Variants in ADRM1 observed in about 807,000 individuals in gnomAD.
The protein encoded by ADRM1 is ADRM1 26S proteasome ubiquitin receptor.
A neutral mutation model predicts 40.1 loss-of-function variants in ADRM1; 2 were observed. The ratio of observed to expected loss-of-function variants is 0.05; its 90% CI spans 0.02 to 0.16. The LOEUF is 0.16. Among genes scored for constraint, ADRM1 ranks in the 10% least tolerant of loss-of-function variants. ADRM1 has a pLI of 1.00. For synonymous variants in ADRM1, 287 were observed against 240.4 expected (o/e 1.19, Z -1.79); for missense variants, 467 against 552.5 (o/e 0.85, Z 1.55).
chr20:62,308,620 G>A (rs757878827), intron 9 of ADRM1, 35 bp from the exon 10 acceptor site: 1 of 1,609,496 alleles, frequency 6.2e-7, no homozygotes, highest in South Asian at 1.1e-5. Context: ...CTGGGCAAGG[G>A]TTAGACACCA....
At position 62,304,099 on chromosome 20, in the gene ADRM1, G is replaced by T. The variant is rs1984527146; in HGVS notation, c.213+318G>T. On this transcript the variant is annotated intron_variant, in intron 2 of 9. Transcript: ENST00000253003. ...GGCCCTGGAGAGCCTGGAGCTCTGT[G>T]CCTGGCGGCTTCACTCAGTCTTCTT... is the stretch of plus-strand genomic sequence containing the variant. 1.0e-5 allele frequency: 5 copies of T among 502,236 alleles called. No individual in the cohort carries two copies. In the South Asian group the frequency reaches 1.2e-4, roughly 12 times the overall value. The allele number at this position is 502,236 out of a possible 1,614,324, so 31.1% of individuals were successfully genotyped here. A position where few individuals can be genotyped will look rare whatever the true frequency, so the allele number is the denominator to read the frequency against.
intron 7 of ADRM1, 68 bp downstream of exon 7, chr20:62,307,896 T>C: frequency 6.4e-7 from 1 of 1,552,932 alleles, no homozygotes. Flanking sequence ...ACGCTCACCT[T>C]CCAAGGCATC....
At position 62,303,892 on chromosome 20, in the gene ADRM1, G is replaced by A; in HGVS notation, c.213+111G>A. ...GCCGCATCTGGGGACCGCTCGTGGGGCCGTCATCGACTGCCCTGCTGATGG... is the reference window on the plus strand; with the variant it reads ...GCCGCATCTGGGGACCGCTCGTGGGACCGTCATCGACTGCCCTGCTGATGG... On this transcript the variant is annotated intron_variant, in intron 2 of 9. Coordinates refer to ENST00000253003, the MANE Select transcript of ADRM1 (RefSeq NM_007002.4). 5 of 1,095,862 alleles carry A rather than the reference G, an allele frequency of 4.6e-6. No individual in the cohort carries two copies. In the Middle Eastern group the frequency reaches 9.1e-4, roughly 199 times the overall value. The allele number at this position is 1,095,862 out of a possible 1,614,324, so 67.9% of individuals were successfully genotyped here.
chr20:62,306,037 C>T, intron 3 of ADRM1, 160 bp from the exon 4 acceptor site: 1 of 942,132 alleles, frequency 1.1e-6, no homozygotes, highest in Non-Finnish European at 1.5e-6. Context: ...GCCGTCCCCT[C>T]ACCTGCTGGG....
At chr20:62,308,591 A>G (rs973647681) in intron 9 of ADRM1, 64 bp from the exon 10 acceptor site, 2 of 1,593,652 alleles carry the variant, frequency 1.3e-6, no homozygotes, top group Non-Finnish European at 1.7e-6. Context: ...CCTTGATCCC[A>G]TCGCTTTGAT....
chr20:62,308,100 C>A lies in ADRM1; in HGVS notation c.936C>A (p.Pro312=). The A allele has an allele frequency of 6.2e-7, 1 of 1,611,514 alleles. No homozygotes were observed. The highest frequency in any genetic ancestry group is 2.2e-5 in the East Asian group (1 of 44,876). The change falls in exon 8 of 10, where the codon CCC becomes CCA. Residue 312 remains proline (P), a synonymous_variant. Coordinates refer to ENST00000253003, the MANE Select transcript of ADRM1 (RefSeq NM_007002.4). ...ANADVQERLL[P]YLPSGESLPQ... is the part of the protein sequence containing the mutation. ...CGGATGTCCAGGAGCGCCTGCTTCCCTACTTGCCATCTGGGGAGTCGCTGC... is the reference window on the plus strand; with the variant it reads ...CGGATGTCCAGGAGCGCCTGCTTCCATACTTGCCATCTGGGGAGTCGCTGC...
chr20:62,305,956 G>A, intron 3 of ADRM1: 2 of 516,968 alleles, frequency 3.9e-6, no homozygotes, highest in Non-Finnish European at 7.0e-6. Context: ...TGGGCGGAGG[G>A]GGACAGGGCA....
chr20:62,307,939 A>G (rs375248352), intron 7 of ADRM1, 82 bp from the exon 8 acceptor site: 4 of 1,556,150 alleles, frequency 2.6e-6, no homozygotes, highest in South Asian at 2.4e-5. Context: ...TGCTGGGGCC[A>G]TGGGCTGAGT....
Position 62,308,103 on chromosome 20 carries a change from C to T in ADRM1, c.939C>T (p.Tyr313=), listed in dbSNP as rs1237532010. The change falls in exon 8 of 10, where the codon TAC becomes TAT. Residue 313 remains tyrosine, a synonymous_variant. Transcript: ENST00000253003. ...NADVQERLLP[Y]LPSGESLPQT... ...ATGTCCAGGAGCGCCTGCTTCCCTA[C>T]TTGCCATCTGGGGAGTCGCTGCCGC... The T allele has an allele frequency of 6.2e-7, 1 of 1,611,548 alleles. No individual in the cohort carries two copies. Among genetic ancestry groups the T allele is most frequent in the Non-Finnish European group, 8.5e-7 (1 of 1,179,884 alleles).
intron 8 of ADRM1, 79 bp from the exon 9 acceptor site, chr20:62,308,289 G>A (rs767776596): frequency 4.9e-5 from 75 of 1,537,012 alleles, no homozygotes; most frequent in African/African-American, 8.1e-5. Context: ...TGCCTGACCC[G>A]CAGAGCTGGC....
intron 4 of ADRM1, 70 bp from the exon 5 acceptor site, chr20:62,306,578 C>T (rs1313353023): frequency 1.6e-5 from 24 of 1,461,598 alleles, no homozygotes; most frequent in Non-Finnish European, 2.2e-5. Context: ...TCAGCAGAGG[C>T]GCAGGCAGTG....
rs1236372139 is a variant in ADRM1 at position 62,304,553 on chromosome 20, C to T, written c.306C>T (p.Ser102=). 6.2e-7 allele frequency: 1 copy of T among 1,613,996 alleles called. No homozygotes were observed. The highest frequency in any genetic ancestry group is 8.5e-7 in the Non-Finnish European group (1 of 1,179,954). ...RVYVLKFKAG[S]KRLFFWMQEP... ...ACGTGCTGAAGTTCAAGGCAGGGTC[C>T]AAGCGGCTTTTCTTCTGGATGCAGG... Residue 102 remains serine, a synonymous_variant, in exon 3 of 10, where the codon TCC becomes TCT. Coordinates refer to ENST00000253003, the MANE Select transcript of ADRM1 (RefSeq NM_007002.4).
intron 4 of ADRM1, 71 bp downstream of exon 4, chr20:62,306,391 C>T (rs777234169): frequency 3.1e-6 from 5 of 1,607,226 alleles, no homozygotes; most frequent in African/African-American, 2.7e-5. Context: ...ATGACTCGCC[C>T]CCTCAGCACA....
Position 62,308,816 on chromosome 20 carries a change from CCTCCCA to C in ADRM1, c.*57_*62del. ...GCTTGCAGTGCGTTGCACACCCTCA[CCTCCCA>C]CCCACTGATTATTAATAAAGTCTTT... On this transcript the variant is annotated 3_prime_UTR_variant, in exon 10 of 10. Transcript: ENST00000253003. The C allele has an allele frequency of 3.1e-6, 5 of 1,591,364 alleles. No homozygotes were observed. Among genetic ancestry groups the C allele is most frequent in the Non-Finnish European group, 3.4e-6 (4 of 1,170,746 alleles).
chr20:62,308,570 AGCCCTTCT>A lies in ADRM1; in HGVS notation c.1118-78_1118-71del, dbSNP rs1259021656. 64 of 1,570,964 alleles carry A rather than the reference AGCCCTTCT, an allele frequency of 4.1e-5. 1 individual carries two copies. In the East Asian group the frequency reaches 1.4e-3, roughly 35 times the overall value. ...GTGGGGCTGAGGGGGTAAAGGTCACAGCCCTTCTGCCCTTGATCCCATCGCTTTGATCC... is the reference window on the plus strand; with the variant it reads ...GTGGGGCTGAGGGGGTAAAGGTCACAGCCCTTGATCCCATCGCTTTGATCC... On this transcript the variant is annotated intron_variant, in intron 9 of 9. Transcript: ENST00000253003.
intron 4 of ADRM1, 54 bp from the exon 5 acceptor site, chr20:62,306,594 G>T: frequency 6.6e-7 from 1 of 1,523,922 alleles, no homozygotes; most frequent in Non-Finnish European, 8.9e-7. Flanking sequence ...CAGTGCGGTG[G>T]GGCCCGCGTG....
At position 62,307,428 on chromosome 20, in the gene ADRM1, C is replaced by T; in HGVS notation, c.599C>T (p.Pro200Leu). 1.2e-6 allele frequency: 2 copies of T among 1,609,000 alleles called. No individual in the cohort carries two copies. The highest frequency in any genetic ancestry group is 1.7e-6 in the Non-Finnish European group (2 of 1,179,172). ...GCCAGCTTACTGGGGAGCAGTGGGC[C>T]TCCAGGGAGCAGCTCCTCCTCCAGG... ...GLASLLGSSG[P>L]PGSSSSSSSR... Residue 200 changes from proline (P) to leucine (L), a missense_variant, in exon 6 of 10, where the codon CCT becomes CTT. Physicochemically the swap from Pro to Leu is moderately conservative, Grantham distance 98. This residue lies in a region of ADRM1 where 418 missense variants were observed against 474.6 expected (regional missense o/e 0.88). Coordinates refer to ENST00000253003, the MANE Select transcript of ADRM1 (RefSeq NM_007002.4).
chr20:62,304,937 C>T (rs1984677990), intron 3 of ADRM1, among the ~76,000 whole-genome samples: 1 of 152,244 alleles, frequency 6.6e-6, no homozygotes, highest in Admixed American at 6.5e-5. Flanking sequence ...CCTGCTGGTG[C>T]TCACAGAAAC....
chr20:62,308,528 C>A (rs1985512424), intron 9 of ADRM1, 58 bp downstream of exon 9: 1 of 1,562,810 alleles, frequency 6.4e-7, no homozygotes. Flanking sequence ...CATTCCTGTC[C>A]CCCTGGATCT....
Sources: allele counts gnomAD v4.1 joint callset (sites outside exome capture counted in the v4.1 genomes callset), GRCh38; gene constraint gnomAD v4.1.1; regional missense constraint gnomAD v4.1.1; transcripts MANE v1.5; gene names NCBI Gene and HGNC (gene_info 2026-07-23, HGNC 2026-07-21).